The following PRKG1 variants were observed in gnomAD, a reference collection of about 807,000 sequenced individuals.
PRKG1 encodes cGMP-dependent protein kinase 1.
In PRKG1, 35 loss-of-function variants were observed where a neutral mutation model predicts 88.1. The observed-to-expected ratio is 0.40, with a 90% CI of 0.30 to 0.53. The LOEUF (loss-of-function observed/expected upper bound fraction) is 0.53. PRKG1 is among the 20% of genes least tolerant of loss of function. The pLI is 0.59. For missense variants in PRKG1, 540 were observed against 839.8 expected (o/e 0.64, Z 4.41); for synonymous variants, 303 against 292.5 (o/e 1.04, Z -0.37).
At chr10:51,183,924 A>T (rs962412854) in intron 2 of PRKG1, among the ~76,000 whole-genome samples, 2 of 152,176 alleles carry the variant, frequency 1.3e-5, no homozygotes, top group Admixed American at 6.5e-5. Context: ...CCAATCAGCC[A>T]ATCAGTCTTA....
At chr10:51,937,558 T>A (rs780251719) in intron 5 of PRKG1, among the ~76,000 whole-genome samples, 2 of 152,092 alleles carry the variant, frequency 1.3e-5, no homozygotes, top group Non-Finnish European at 2.9e-5. Context: ...GAGTTGTACA[T>A]ACCATCTGTA....
rs540028846 is a variant in PRKG1, at chr10:51,740,087, G to T, written c.593-64498G>T. Among the ~76,000 whole-genome samples, 339 of 152,272 alleles carry T rather than the reference G, an allele frequency of 2.2e-3. 1 individual carries two copies. The highest frequency in any genetic ancestry group is 7.5e-3 in the African/African-American group (311 of 41,540). ...CAATCGCCCAGGCTGGAGTGCAGTG[G>T]TATGACCTTGGCTCACTGCAGCCTA... On this transcript the variant is annotated intron_variant, in intron 3 of 17. Transcript: ENST00000373980.
chr10:51,644,401 T>C lies in PRKG1; in HGVS notation c.593-160184T>C, dbSNP rs1839869664. The stretch of plus-strand genomic sequence containing the variant: ...AATGTCTAGATCCATTTGCTCATTA[T>C]TAGTTCAGATGTTCAAATTCTTGAT... On this transcript the variant is annotated intron_variant, in intron 3 of 17. Coordinates refer to ENST00000373980, the MANE Select transcript of PRKG1 (RefSeq NM_006258.4). Among the ~76,000 whole-genome samples, 3 of 152,200 alleles carry C rather than the reference T, an allele frequency of 2.0e-5. No homozygotes were observed. The South Asian group carries it at 6.2e-4, about 32-fold the overall frequency.
In PRKG1 at chr10:51,597,311, A is replaced by G. The variant is rs190503210; in HGVS notation, c.592+129475A>G. On this transcript the variant is annotated intron_variant, in intron 3 of 17. Coordinates refer to ENST00000373980, the MANE Select transcript of PRKG1 (RefSeq NM_006258.4). ...TGTCCAGAAGTTAGAGAATGTTTGTATGCTGTCTCAGTTTAATCACACACA... is the reference window on the plus strand; with the variant it reads ...TGTCCAGAAGTTAGAGAATGTTTGTGTGCTGTCTCAGTTTAATCACACACA... Among the ~76,000 whole-genome samples, 16 of 152,276 alleles carry G rather than the reference A, an allele frequency of 1.1e-4. No individual in the cohort carries two copies. In the East Asian group the frequency reaches 2.5e-3, roughly 24 times the overall value.
intron 3 of PRKG1, among the ~76,000 whole-genome samples, chr10:51,787,226 A>G (rs1438908502): frequency 6.6e-6 from 1 of 152,202 alleles, no homozygotes; most frequent in Non-Finnish European, 1.5e-5. Flanking sequence ...CCTTTTAAGT[A>G]AAGCCCTATG....
At chr10:51,185,819 T>C (rs949293400) in intron 2 of PRKG1, among the ~76,000 whole-genome samples, 2 of 151,744 alleles carry the variant, frequency 1.3e-5, no homozygotes, top group Non-Finnish European at 2.9e-5. Context: ...CTATGTATCC[T>C]TCTCTCTCAT....
At chr10:51,611,408 C>A (rs1464233421) in intron 3 of PRKG1, among the ~76,000 whole-genome samples, 1 of 151,670 alleles carries the variant, frequency 6.6e-6, no homozygotes, top group African/African-American at 2.4e-5. Context: ...TGTCTGTTGG[C>A]CATTTGTATG....
chr10:52,076,516 C>T (rs141417800), intron 7 of PRKG1, among the ~76,000 whole-genome samples: 2,133 of 152,258 alleles, frequency 0.014, 55 homozygotes, highest in African/African-American at 0.048. Context: ...GAGACCATGC[C>T]ACTGCACTCC....
At chr10:51,702,764 T>C (rs533940258) in intron 3 of PRKG1, among the ~76,000 whole-genome samples, 3 of 152,192 alleles carry the variant, frequency 2.0e-5, no homozygotes, top group African/African-American at 7.2e-5. Flanking sequence ...TGGCGTGATC[T>C]TGGTTCACTG....
intron 8 of PRKG1, among the ~76,000 whole-genome samples, chr10:52,154,690 G>C (rs1838041186): frequency 6.6e-6 from 1 of 151,774 alleles, no homozygotes; most frequent in Admixed American, 6.6e-5. Context: ...GTGGTTTTTG[G>C]TTACATGGGT....
chr10:51,950,928 TG>T (rs1170237840), intron 5 of PRKG1, among the ~76,000 whole-genome samples: 1 of 152,212 alleles, frequency 6.6e-6, no homozygotes, highest in Non-Finnish European at 1.5e-5. Flanking sequence ...AGAGCGGACG[TG>T]GGGGTGGTCC....
intron 3 of PRKG1, among the ~76,000 whole-genome samples, chr10:51,771,854 T>C (rs907647860): frequency 8.5e-5 from 13 of 152,102 alleles, no homozygotes; most frequent in African/African-American, 3.1e-4. Context: ...CTTTAATCTT[T>C]CCTGGTACTC....
intron 2 of PRKG1, among the ~76,000 whole-genome samples, chr10:51,403,401 T>C (rs1837814019): frequency 6.6e-6 from 1 of 152,214 alleles, no homozygotes; most frequent in African/African-American, 2.4e-5. Flanking sequence ...ATCTAAAATA[T>C]ACTTTTCTAG....
chr10:52,169,684 A>G (rs1223609157), intron 9 of PRKG1, among the ~76,000 whole-genome samples: 2 of 152,226 alleles, frequency 1.3e-5, no homozygotes, highest in Non-Finnish European at 2.9e-5. Flanking sequence ...TCATTTCACA[A>G]TGGAGTGGTG....
At chr10:51,946,942 T>C (rs1281545056) in intron 5 of PRKG1, among the ~76,000 whole-genome samples, 1 of 152,112 alleles carries the variant, frequency 6.6e-6, no homozygotes, top group African/African-American at 2.4e-5. Flanking sequence ...GCAGTCTGCC[T>C]GTTCTCAGAT....
intron 4 of PRKG1, among the ~76,000 whole-genome samples, chr10:51,887,382 T>C (rs1564693380): frequency 6.6e-6 from 1 of 152,198 alleles, no homozygotes; most frequent in Non-Finnish European, 1.5e-5. Context: ...AACAGGAAGG[T>C]GCAGATATCT....
At chr10:51,764,638 A>G (rs1056493529) in intron 3 of PRKG1, among the ~76,000 whole-genome samples, 12 of 152,156 alleles carry the variant, frequency 7.9e-5, no homozygotes, top group African/African-American at 2.9e-4. Context: ...CATAGTATGG[A>G]AATAGCATGC....
chr10:51,820,476 C>G (rs1287389982), intron 4 of PRKG1, among the ~76,000 whole-genome samples: 1 of 152,146 alleles, frequency 6.6e-6, no homozygotes, highest in Non-Finnish European at 1.5e-5. Flanking sequence ...GGTAGGACCT[C>G]TGTCCCCAAA....
At chr10:52,064,924 T>C (rs1846321669) in intron 7 of PRKG1, among the ~76,000 whole-genome samples, 1 of 152,166 alleles carries the variant, frequency 6.6e-6, no homozygotes, top group Non-Finnish European at 1.5e-5. Context: ...AGGTCATAAT[T>C]GTCATCACTC....
Sources: allele counts gnomAD v4.1 joint callset (sites outside exome capture counted in the v4.1 genomes callset), GRCh38; gene constraint gnomAD v4.1.1; transcripts MANE v1.5; gene names NCBI Gene and HGNC (gene_info 2026-07-23, HGNC 2026-07-21).